Variants in DNER observed in about 807,000 individuals in gnomAD.
DNER encodes delta/notch like EGF repeat containing, also known as delta and Notch-like epidermal growth factor-related receptor.
A neutral mutation model predicts 78.2 loss-of-function variants in DNER; 33 were observed. That is an observed-to-expected ratio of 0.42 (90% CI 0.32 to 0.56). The LOEUF (loss-of-function observed/expected upper bound fraction) is 0.56, where lower values mean the gene tolerates loss of function less well. DNER is among the 20% of genes least tolerant of loss of function. The pLI is 0.11. For missense variants in DNER, 918 were observed against 975.3 expected, an observed-to-expected ratio of 0.94 and a Z score of 0.78; for synonymous variants, 417 against 384.8, an observed-to-expected ratio of 1.08 and a Z score of -0.98.
chr2:229,622,345 C>G (rs1393952179), intron 1 of DNER, among the ~76,000 whole-genome samples: 1 of 152,220 alleles, frequency 6.6e-6, no homozygotes, highest in African/African-American at 2.4e-5. Context: ...ACCAATGACC[C>G]CTTTGACCCC....
chr2:229,536,757 A>G (rs547282474), intron 5 of DNER, among the ~76,000 whole-genome samples: 22 of 152,352 alleles, frequency 1.4e-4, no homozygotes, highest in Non-Finnish European at 2.1e-4. Context: ...CAGTTATGAC[A>G]TGAGTATCTC....
chr2:229,656,567 C>G (rs1240537945), intron 1 of DNER, among the ~76,000 whole-genome samples: 1 of 152,042 alleles, frequency 6.6e-6, no homozygotes, highest in Non-Finnish European at 1.5e-5. Context: ...TGCAAGGGAA[C>G]CAGCATCTAG....
chr2:229,668,517 T>TATATATACTTACCTATATATA (rs1491497801), intron 1 of DNER, among the ~76,000 whole-genome samples: 824 of 53,132 alleles, frequency 0.016, 8 homozygotes, highest in African/African-American at 0.086. Context: ...TAGGTAAGTA[T>TATATATACTTACCTATATATA]GTGTGTGTGT....
At chr2:229,689,520 T>C (rs1699534541) in intron 1 of DNER, among the ~76,000 whole-genome samples, 2 of 152,016 alleles carry the variant, frequency 1.3e-5, no homozygotes, top group Admixed American at 1.3e-4. Flanking sequence ...TGGCAGGACA[T>C]CAAGTCAGAA....
In DNER at chr2:229,586,667, A is replaced by G. The variant is rs375270954; in HGVS notation, c.681-643T>C. 1.9e-5 allele frequency: 19 copies of G among 984,862 alleles called. No homozygotes were observed. The East Asian group carries it at 1.5e-3, about 77-fold the overall frequency. The allele number at this position is 984,862 out of a possible 1,614,324, so 61.0% of individuals were successfully genotyped here. A position where few individuals can be genotyped will look rare whatever the true frequency, so the allele number is the denominator to read the frequency against. ...ACAGCCCAATGCTTCAGCTACTACG[A>G]GCTACCCCAACCCAGTTCTTTCTCA... On this transcript the variant is annotated intron_variant, in intron 3 of 12. Coordinates refer to ENST00000341772, the MANE Select transcript of DNER (RefSeq NM_139072.4).
chr2:229,381,657 G>A (rs568869392), intron 11 of DNER, among the ~76,000 whole-genome samples: 17 of 152,252 alleles, frequency 1.1e-4, no homozygotes, highest in Admixed American at 3.3e-4. Context: ...AAACAAAGCC[G>A]CCAGGAAGTT....
chr2:229,437,240 G>A (rs528081519), intron 8 of DNER, among the ~76,000 whole-genome samples: 7 of 152,310 alleles, frequency 4.6e-5, no homozygotes, highest in African/African-American at 9.6e-5. Context: ...ATCAATACCC[G>A]CTATGAGTTG....
intron 5 of DNER, among the ~76,000 whole-genome samples, chr2:229,543,625 G>A (rs998092288): frequency 2.0e-5 from 3 of 152,090 alleles, no homozygotes; most frequent in African/African-American, 7.2e-5. Context: ...GAAGGCCTGG[G>A]GGAAGATCTG....
intron 8 of DNER, among the ~76,000 whole-genome samples, chr2:229,421,843 G>A (rs1253035474): frequency 1.2e-4 from 18 of 152,094 alleles, no homozygotes; most frequent in Non-Finnish European, 1.5e-4. Flanking sequence ...AACATGGAAG[G>A]GTAATATATA....
At chr2:229,665,580 A>T (rs535320288) in intron 1 of DNER, among the ~76,000 whole-genome samples, 1 of 152,352 alleles carries the variant, frequency 6.6e-6, no homozygotes, top group East Asian at 1.9e-4. Flanking sequence ...AATAATGTTG[A>T]CCTCAAATAG....
intron 1 of DNER, among the ~76,000 whole-genome samples, chr2:229,597,057 A>C (rs891830692): frequency 1.3e-5 from 2 of 151,790 alleles, no homozygotes; most frequent in Non-Finnish European, 2.9e-5. Context: ...ACATGCACGC[A>C]CACACAAATG....
intron 1 of DNER, among the ~76,000 whole-genome samples, chr2:229,611,953 A>G (rs781761233): frequency 3.9e-5 from 6 of 152,182 alleles, no homozygotes; most frequent in Admixed American, 2.0e-4. Flanking sequence ...AAGCTTTTGC[A>G]TTGGTAGCCT....
intron 7 of DNER, among the ~76,000 whole-genome samples, chr2:229,463,875 C>A (rs4246634): frequency 0.39 from 58,602 of 152,116 alleles, 13,148 homozygotes; most frequent in African/African-American, 0.63. Context: ...TGAGAGAACA[C>A]GTTGAGGCCA....
intron 8 of DNER, among the ~76,000 whole-genome samples, chr2:229,442,011 T>C (rs1046578007): frequency 6.6e-6 from 1 of 152,084 alleles, no homozygotes; most frequent in African/African-American, 2.4e-5. Flanking sequence ...TAAAGCAAAC[T>C]CTCCCTTGCT....
intron 1 of DNER, among the ~76,000 whole-genome samples, chr2:229,689,104 T>C (rs572297271): frequency 6.6e-6 from 1 of 152,342 alleles, no homozygotes; most frequent in African/African-American, 2.4e-5. Flanking sequence ...TGTTTACCTA[T>C]GTAACAAACC....
chr2:229,465,760 A>G (rs1301737504), intron 7 of DNER, among the ~76,000 whole-genome samples: 1 of 152,138 alleles, frequency 6.6e-6, no homozygotes, highest in Admixed American at 6.5e-5. Context: ...TTGGCCCCAG[A>G]CAACACCTTG....
chr2:229,698,014 A>C (rs1270474486), intron 1 of DNER, among the ~76,000 whole-genome samples: 1 of 152,154 alleles, frequency 6.6e-6, no homozygotes, highest in African/African-American at 2.4e-5. Flanking sequence ...AGGCCTGGGC[A>C]ACCTAGAAGG....
In DNER at chr2:229,561,546, A is replaced by T. The variant is rs183703731; in HGVS notation, c.848-14454T>A. ...TTAATATCAAAATACAGGCTTAAAGAGTGAACAAAAAAAAATTATATTGAG... is the reference window on the plus strand; with the variant it reads ...TTAATATCAAAATACAGGCTTAAAGTGTGAACAAAAAAAAATTATATTGAG... On this transcript the variant is annotated intron_variant, in intron 4 of 12. Coordinates refer to ENST00000341772, the MANE Select transcript of DNER (RefSeq NM_139072.4). Among the ~76,000 whole-genome samples, 206 of 152,332 alleles carry T rather than the reference A, an allele frequency of 1.4e-3. 1 individual carries two copies. Among genetic ancestry groups the T allele is most frequent in the Non-Finnish European group, 2.7e-3 (184 of 68,018 alleles).
At chr2:229,439,984 A>C (rs1694198068) in intron 8 of DNER, among the ~76,000 whole-genome samples, 2 of 152,228 alleles carry the variant, frequency 1.3e-5, no homozygotes, top group South Asian at 4.1e-4. Flanking sequence ...TTTGAGGGAA[A>C]GTCAGGGAGT....
Sources: allele counts gnomAD v4.1 joint callset (sites outside exome capture counted in the v4.1 genomes callset), GRCh38; gene constraint gnomAD v4.1.1; transcripts MANE v1.5; gene names NCBI Gene and HGNC (gene_info 2026-07-23, HGNC 2026-07-21).